Variants in LRRC7 observed in about 807,000 individuals in gnomAD.
LRRC7 encodes leucine rich repeat containing 7.
A neutral mutation model predicts 175.7 loss-of-function variants in LRRC7; 23 were observed. That is an observed-to-expected ratio of 0.13 (90% CI 0.09 to 0.19). The LOEUF (loss-of-function observed/expected upper bound fraction) is 0.19, where lower values mean the gene tolerates loss of function less well. Ranked by LOEUF, LRRC7 falls within the 10% of genes least tolerant of loss-of-function variation. The pLI is 1.00. For synonymous variants in LRRC7, 685 were observed against 680.9 expected (o/e 1.01, Z -0.09); for missense variants, 1,354 against 1,904.7 (o/e 0.71, Z 5.38).
At chr1:69,927,220 T>C (rs916514999) in intron 7 of LRRC7, among the ~76,000 whole-genome samples, 2 of 152,216 alleles carry the variant, frequency 1.3e-5, no homozygotes, top group African/African-American at 4.8e-5. Context: ...ACCCGACCTT[T>C]CTCTCTGGCT....
intron 2 of LRRC7, among the ~76,000 whole-genome samples, chr1:69,717,627 A>C (rs1420458216): frequency 6.6e-6 from 1 of 151,548 alleles, no homozygotes; most frequent in Non-Finnish European, 1.5e-5. Context: ...TTCAAAGTTC[A>C]GTTGGGCCAA....
At chr1:69,796,406 T>C (rs979423406) in intron 4 of LRRC7, among the ~76,000 whole-genome samples, 1 of 151,878 alleles carries the variant, frequency 6.6e-6, no homozygotes, top group African/African-American at 2.4e-5. Flanking sequence ...AGGAATCATA[T>C]TATCTTCTTA....
At chr1:69,783,209 A>T (rs544815019) in intron 3 of LRRC7, among the ~76,000 whole-genome samples, 3 of 152,036 alleles carry the variant, frequency 2.0e-5, no homozygotes, top group Non-Finnish European at 2.9e-5. Context: ...TCAGAAAACA[A>T]CCCCTCTCTG....
intron 7 of LRRC7, among the ~76,000 whole-genome samples, chr1:69,878,150 A>T (rs1263256918): frequency 1.3e-5 from 2 of 152,114 alleles, no homozygotes; most frequent in African/African-American, 4.8e-5. Flanking sequence ...AAGATTTAAA[A>T]CAGGTATTTG....
intron 7 of LRRC7, among the ~76,000 whole-genome samples, chr1:69,902,753 TAATC>T (rs1646173062): frequency 6.6e-6 from 1 of 152,220 alleles, no homozygotes. Context: ...GACAAAAAAT[TAATC>T]TTTATTCAAT....
At chr1:69,647,081 G>C (rs1655108968) in intron 1 of LRRC7, among the ~76,000 whole-genome samples, 1 of 152,070 alleles carries the variant, frequency 6.6e-6, no homozygotes, top group African/African-American at 2.4e-5. Context: ...ATGTATTATG[G>C]GCACAAACCA....
intron 21 of LRRC7, among the ~76,000 whole-genome samples, chr1:70,041,141 C>T (rs1659860846): frequency 6.6e-6 from 1 of 152,056 alleles, no homozygotes; most frequent in Non-Finnish European, 1.5e-5. Context: ...AATATACTAT[C>T]GCATTGTCTC....
chr1:70,013,116 A>T (rs201341601), intron 13 of LRRC7, 27 bp downstream of exon 13: 3 of 1,347,070 alleles, frequency 2.2e-6, no homozygotes, highest in Non-Finnish European at 2.1e-6. Flanking sequence ...TCACAATCAC[A>T]TATTAGTTAT....
intron 17 of LRRC7, among the ~76,000 whole-genome samples, 182 bp from the exon 18 acceptor site, chr1:70,027,989 G>T (rs973487456): frequency 1.3e-5 from 2 of 152,106 alleles, no homozygotes; most frequent in South Asian, 4.1e-4. Flanking sequence ...GGGAAGGGGT[G>T]AGAAGTCCCA....
At chr1:69,655,579 G>A (rs1030596886) in intron 1 of LRRC7, among the ~76,000 whole-genome samples, 6 of 151,956 alleles carry the variant, frequency 3.9e-5, no homozygotes, top group Non-Finnish European at 7.4e-5. Flanking sequence ...GCTTGTATTG[G>A]GTCACATCGC....
At chr1:69,907,992 G>A (rs1428745442) in intron 7 of LRRC7, among the ~76,000 whole-genome samples, 1 of 152,152 alleles carries the variant, frequency 6.6e-6, no homozygotes, top group Admixed American at 6.5e-5. Flanking sequence ...AGTCTTGGGA[G>A]GGTGTATGTG....
In LRRC7 at chr1:69,568,044, C is replaced by G. The variant is rs2100861073; in HGVS notation, c.-596C>G. ...AGCGGGTTCTCGCCGGCGGGACCTGCAGCCGCCCACTCGGGCCACCGCCAC... is the reference window on the plus strand; with the variant it reads ...AGCGGGTTCTCGCCGGCGGGACCTGGAGCCGCCCACTCGGGCCACCGCCAC... On this transcript the variant is annotated 5_prime_UTR_variant, in exon 1 of 27. Coordinates refer to ENST00000651989, the MANE Select transcript of LRRC7 (RefSeq NM_001370785.2). Among the ~76,000 whole-genome samples, 1 of 152,238 alleles carries G rather than the reference C, an allele frequency of 6.6e-6. No homozygotes were observed. The highest frequency in any genetic ancestry group is 3.4e-3 in the Middle Eastern group (1 of 294).
chr1:70,033,837 TTG>T (rs139642493), intron 18 of LRRC7, among the ~76,000 whole-genome samples: 32,728 of 152,070 alleles, frequency 0.22, 3,553 homozygotes, highest in African/African-American at 0.24. Context: ...GATTGCTTTT[TTG>T]TGTTTCTATT....
intron 1 of LRRC7, among the ~76,000 whole-genome samples, chr1:69,589,150 G>C (rs986620492): frequency 1.4e-5 from 2 of 141,214 alleles, no homozygotes; most frequent in Non-Finnish European, 1.6e-5. Context: ...GTGTGTGTGT[G>C]TGTATGTCTG....
At chr1:70,007,630 A>T (rs1656104105) in intron 11 of LRRC7, among the ~76,000 whole-genome samples, 1 of 152,244 alleles carries the variant, frequency 6.6e-6, no homozygotes, top group Non-Finnish European at 1.5e-5. Context: ...CCGTCTTTTC[A>T]TGATACGTTG....
At chr1:69,805,553 A>C (rs2101113833) in intron 4 of LRRC7, among the ~76,000 whole-genome samples, 1 of 151,976 alleles carries the variant, frequency 6.6e-6, no homozygotes, top group African/African-American at 2.4e-5. Flanking sequence ...CAACACTGTT[A>C]ATGAGTTATT....
chr1:70,010,466 G>A (rs1008322153), intron 11 of LRRC7, among the ~76,000 whole-genome samples: 4 of 152,164 alleles, frequency 2.6e-5, no homozygotes, highest in African/African-American at 9.6e-5. Context: ...TTGGGAGGCT[G>A]AGACAGGAGC....
chr1:69,840,577 A>T (rs1681612167), intron 7 of LRRC7, among the ~76,000 whole-genome samples: 1 of 152,084 alleles, frequency 6.6e-6, no homozygotes, highest in South Asian at 2.1e-4. Flanking sequence ...TATAACATAC[A>T]TGAAGATGTA....
intron 7 of LRRC7, among the ~76,000 whole-genome samples, chr1:69,857,231 C>T (rs1683761725): frequency 1.3e-5 from 2 of 152,138 alleles, no homozygotes; most frequent in African/African-American, 4.8e-5. Flanking sequence ...TCTCACCACT[C>T]CTATTCAACA....
Sources: gnomAD v4.1 joint callset for allele counts (sites outside exome capture counted in the v4.1 genomes callset) on GRCh38, gnomAD v4.1.1 for gene constraint, MANE v1.5 for transcripts, NCBI Gene and HGNC (gene_info 2026-07-23, HGNC 2026-07-21) for gene names.